The following SYNE1 variants were observed in gnomAD, a reference collection of about 807,000 sequenced individuals.
SYNE1 encodes the protein spectrin repeat containing nuclear envelope protein 1.
Under a neutral mutation model 1,111.0 loss-of-function variants are expected in SYNE1, and 616 were observed. That is an observed-to-expected ratio of 0.55 (90% CI 0.52 to 0.59). SYNE1 has a LOEUF of 0.59. Ranked by LOEUF, SYNE1 falls within the 20% of genes least tolerant of loss-of-function variation. The pLI is 0.00. For missense variants in SYNE1, 10,006 were observed against 10,417.0 expected (o/e 0.96, Z 1.72); for synonymous variants, 3,855 against 3,825.8 (o/e 1.01, Z -0.28).
At chr6:152,559,199 A>G (rs896017724) in intron 3 of SYNE1, among the ~76,000 whole-genome samples, 3 of 151,892 alleles carry the variant, frequency 2.0e-5, no homozygotes, top group African/African-American at 4.8e-5. Context: ...GGCTCAAGCA[A>G]TCCTCCCACC....
intron 106 of SYNE1, among the ~76,000 whole-genome samples, chr6:152,243,907 A>C (rs2086415658): frequency 6.6e-6 from 1 of 152,172 alleles, no homozygotes; most frequent in African/African-American, 2.4e-5. Context: ...TTCCTACCCC[A>C]ATATCAGATT....
At position 152,409,193 on chromosome 6, in the gene SYNE1, G is replaced by T. The variant is rs756672754; in HGVS notation, c.6415C>A (p.Gln2139Lys). The T allele has an allele frequency of 6.2e-7, 1 of 1,614,016 alleles. No individual in the cohort carries two copies. The highest frequency in any genetic ancestry group is 1.7e-5 in the Admixed American group (1 of 60,010). ...CTGGTAAAGTTATCCAAGTCTTTCT[G>T]TTTGTAATTCATTTTGTTCTTGGCA... ...ETAKNKMNYK[Q>K]KDLDNFTSKG... The change falls in exon 44 of 146, where the codon CAG (glutamine) becomes AAG (lysine). Residue 2139 changes from glutamine to lysine, a missense_variant. This residue lies in a region of SYNE1 where 4,955 missense variants were observed against 5,017.2 expected (regional missense o/e 0.99). Transcript: ENST00000367255.
chr6:152,445,803 G>C lies in SYNE1; in HGVS notation c.3670-1225C>G, dbSNP rs79775720. 4.3e-3 allele frequency among the ~76,000 whole-genome samples: 657 copies of C among 152,092 alleles called. 5 individuals are homozygous for C. The highest frequency in any genetic ancestry group is 0.015 in the African/African-American group (623 of 41,506). On this transcript the variant is annotated intron_variant, in intron 29 of 145. Coordinates refer to ENST00000367255, the MANE Select transcript of SYNE1 (RefSeq NM_182961.4). ...TAAATGAATTATTATCAAAGAAAGG[G>C]GCTGAATGTGCCACATCCATCTCTT...
At chr6:152,386,629 A>G (rs1204596320) in intron 54 of SYNE1, among the ~76,000 whole-genome samples, 1 of 152,214 alleles carries the variant, frequency 6.6e-6, no homozygotes, top group Non-Finnish European at 1.5e-5. Context: ...AGGAGTTTAT[A>G]CTTTGGAAAA....
chr6:152,447,470 C>T lies in SYNE1; in HGVS notation c.3657G>A (p.Thr1219=), dbSNP rs756713928. The T allele has an allele frequency of 2.4e-5, 39 of 1,614,056 alleles. No individual in the cohort carries two copies. Among genetic ancestry groups the T allele is most frequent in the Admixed American group, 1.0e-4 (6 of 60,000 alleles). Residue 1219 remains threonine, a synonymous_variant, in exon 29 of 146, where the codon ACG becomes ACA. Transcript: ENST00000367255. ...KLSSSFKALV[T]LLSEVEKMLS... ...GTAAATGCTGTACCTCTGACAGCAGCGTCACAAGAGCCTTGAAAGAGCTGG... is the reference window on the plus strand; with the variant it reads ...GTAAATGCTGTACCTCTGACAGCAGTGTCACAAGAGCCTTGAAAGAGCTGG...
Position 152,419,691 on chromosome 6 carries a change from G to A in SYNE1, c.5299C>T (p.His1767Tyr). 1.2e-6 allele frequency: 2 copies of A among 1,614,034 alleles called. No individual in the cohort carries two copies. Among genetic ancestry groups the A allele is most frequent in the Non-Finnish European group, 1.7e-6 (2 of 1,179,952 alleles). The change falls in exon 40 of 146, where the codon CAC (histidine) becomes TAC (tyrosine). Residue 1767 changes from histidine (H) to tyrosine (Y), a missense_variant. His to Tyr is a moderately conservative substitution (Grantham distance 83). Around this residue, in one of 7 missense-constraint regions of SYNE1, gnomAD observed 1,971 missense variants for 2,084.1 expected, o/e 0.95. Transcript: ENST00000367255. ...AGCAGCAGCTCATCAAATTGCTGGT[G>A]TTCAGCAACCACAGACTGAAGAAAA... ...INFLQSVVAE[H>Y]QQFDELLLSF...
At chr6:152,260,140 T>TA (rs2153641054) in intron 101 of SYNE1, among the ~76,000 whole-genome samples, 1 of 152,294 alleles carries the variant, frequency 6.6e-6, no homozygotes, top group Admixed American at 6.5e-5. Context: ...TGGAGAATAA[T>TA]ACGCAAGCAC....
At chr6:152,241,623 T>A (rs2153560732) in intron 107 of SYNE1, among the ~76,000 whole-genome samples, 1 of 152,020 alleles carries the variant, frequency 6.6e-6, no homozygotes, top group African/African-American at 2.4e-5. Context: ...CAAGTTTGAT[T>A]ACATAGTAAA....
chr6:152,224,722 A>T lies in SYNE1; in HGVS notation c.21352-58T>A, dbSNP rs1430935523. 18 of 1,527,336 alleles carry T rather than the reference A, an allele frequency of 1.2e-5. No individual in the cohort carries two copies. The African/African-American group carries it at 1.5e-4, about 13-fold the overall frequency. The allele number at this position is 1,527,336 out of a possible 1,614,324, so 94.6% of individuals were successfully genotyped here. Reference sequence around the variant, plus strand: ...CATAATATCTAGAATGATGGAATATATATTCAATTGATGGGAAAATATTAA... The same window carrying T: ...CATAATATCTAGAATGATGGAATATTTATTCAATTGATGGGAAAATATTAA... On this transcript the variant is annotated intron_variant, in intron 116 of 145. Coordinates refer to ENST00000367255, the MANE Select transcript of SYNE1 (RefSeq NM_182961.4).
chr6:152,125,275 A>G, intron 145 of SYNE1: 1 of 1,550,434 alleles, frequency 6.4e-7, no homozygotes, highest in Non-Finnish European at 8.7e-7. Context: ...GGTATCTCAC[A>G]TGTAGAAGCA....
intron 126 of SYNE1, among the ~76,000 whole-genome samples, chr6:152,203,615 T>C (rs943358392): frequency 1.3e-5 from 2 of 152,212 alleles, no homozygotes; most frequent in African/African-American, 4.8e-5. Flanking sequence ...TCTGGATTAT[T>C]TCTACTTCTC....
chr6:152,276,878 CTTTTTTTT>C, intron 98 of SYNE1, among the ~76,000 whole-genome samples: 1 of 102,140 alleles, frequency 9.8e-6, no homozygotes, highest in South Asian at 3.1e-4. Flanking sequence ...ACTCTGCACT[CTTTTTTTT>C]TTTTTTTTTT....
intron 3 of SYNE1, among the ~76,000 whole-genome samples, chr6:152,555,463 C>T (rs2099361800): frequency 6.6e-6 from 1 of 152,134 alleles, no homozygotes; most frequent in African/African-American, 2.4e-5. Context: ...GCTATTAACA[C>T]ATAGCCAAGG....
At chr6:152,458,616 C>T (rs958892767) in intron 22 of SYNE1, 141 bp downstream of exon 22, 2 of 809,256 alleles carry the variant, frequency 2.5e-6, no homozygotes, top group Non-Finnish European at 2.0e-6. Context: ...TTGGACAAGA[C>T]ATGTATTTTT....
intron 133 of SYNE1, 60 bp downstream of exon 133, chr6:152,154,832 A>T (rs1401333973): frequency 6.3e-7 from 1 of 1,598,208 alleles, no homozygotes; most frequent in Non-Finnish European, 8.6e-7. Context: ...TGGAACTCCA[A>T]CTACCAGCTG....
intron 59 of SYNE1, among the ~76,000 whole-genome samples, chr6:152,370,436 T>C (rs75779991): frequency 0.024 from 3,627 of 152,296 alleles, 158 homozygotes; most frequent in African/African-American, 0.082. Context: ...GTAGTTTATG[T>C]GATTATGTTG....
At chr6:152,151,737 C>T (rs1344003923) in intron 134 of SYNE1, 47 bp from the exon 135 acceptor site, 9 of 1,593,250 alleles carry the variant, frequency 5.6e-6, no homozygotes, top group African/African-American at 1.3e-5. Context: ...ATTAAAAGTC[C>T]TTCTAAACAT....
intron 128 of SYNE1, among the ~76,000 whole-genome samples, chr6:152,182,606 A>G (rs2068431658): frequency 6.6e-6 from 1 of 152,226 alleles, no homozygotes. Context: ...ATGAAAATGA[A>G]AATATTTCTA....
In SYNE1 at chr6:152,353,219, G is replaced by A. The variant is rs372218973; in HGVS notation, c.11253+44C>T. 34 of 1,611,440 alleles carry A rather than the reference G, an allele frequency of 2.1e-5. 3 individuals are homozygous for A. Among genetic ancestry groups the A allele is most frequent in the East Asian group, 1.3e-4 (6 of 44,870 alleles). ...CTATGCAGGAGAATGGGGCAGCTTG[G>A]TGAACGGAAAGGTTGGATACAAATC... On this transcript the variant is annotated intron_variant, in intron 69 of 145. Transcript: ENST00000367255.
Sources: gnomAD v4.1 joint callset for allele counts (sites outside exome capture counted in the v4.1 genomes callset) on GRCh38, gnomAD v4.1.1 for gene constraint, gnomAD v4.1.1 regional missense constraint, MANE v1.5 for transcripts, NCBI Gene and HGNC (gene_info 2026-07-23, HGNC 2026-07-21) for gene names.